Variants in TMC5 observed in about 807,000 individuals in gnomAD.
TMC5 encodes transmembrane channel-like protein 5.
Under a neutral mutation model 110.5 loss-of-function variants are expected in TMC5, and 86 were observed. The observed-to-expected ratio is 0.78, with a 90% CI of 0.65 to 0.93. TMC5 has a LOEUF of 0.93. Ranked by LOEUF, TMC5 falls within the 40% of genes least tolerant of loss-of-function variation. TMC5 has a pLI of 0.00. For missense variants in TMC5, 1,144 were observed against 1,222.8 expected (o/e 0.94, Z 0.96); for synonymous variants, 455 against 439.5 (o/e 1.04, Z -0.44).
intron 2 of TMC5, among the ~76,000 whole-genome samples, chr16:19,435,938 C>A (rs1444545562): frequency 6.6e-6 from 1 of 152,090 alleles, no homozygotes; most frequent in East Asian, 1.9e-4. Flanking sequence ...GAATGACATT[C>A]AAGTTGTTTT....
At chr16:19,475,702 G>A (rs946211191) in intron 12 of TMC5, among the ~76,000 whole-genome samples, 8 of 151,548 alleles carry the variant, frequency 5.3e-5, no homozygotes, top group Admixed American at 1.3e-4. Context: ...TGCATTTTGC[G>A]TTCTTCAAAC....
At chr16:19,479,331 C>T in intron 13 of TMC5, 100 bp from the exon 14 acceptor site, 1 of 903,180 alleles carries the variant, frequency 1.1e-6, no homozygotes, top group Non-Finnish European at 1.9e-6. Context: ...CAAACCCAAC[C>T]ATTAGCTATG....
At chr16:19,453,268 A>G (rs1254675968) in intron 5 of TMC5, among the ~76,000 whole-genome samples, 1 of 152,052 alleles carries the variant, frequency 6.6e-6, no homozygotes, top group Non-Finnish European at 1.5e-5. Flanking sequence ...AGCCTGAGCA[A>G]CACAGTGAAA....
chr16:19,473,926 G>C lies in TMC5; in HGVS notation c.1939-199G>C, dbSNP rs142511760. 4.2e-3 allele frequency among the ~76,000 whole-genome samples: 644 copies of C among 152,274 alleles called. 7 individuals carry two copies. The highest frequency in any genetic ancestry group is 0.015 in the African/African-American group (616 of 41,558). ...ACCGAGGAAGTGGAAGTTTCAGTGA[G>C]CTGAGATCGCGCCACTGCAGTCCAG... On this transcript the variant is annotated intron_variant, in intron 11 of 21. Transcript: ENST00000542583.
At chr16:19,460,101 C>A in intron 5 of TMC5, 134 bp from the exon 6 acceptor site, 1 of 544,684 alleles carries the variant, frequency 1.8e-6, no homozygotes, top group South Asian at 3.2e-5. Context: ...TGTTGTTTTC[C>A]TTTGTGATCT....
chr16:19,438,431 G>GA (rs1441597928), intron 2 of TMC5, among the ~76,000 whole-genome samples: 2 of 65,554 alleles, frequency 3.1e-5, no homozygotes, highest in Non-Finnish European at 6.1e-5. Flanking sequence ...GAAAAAGAAA[G>GA]AAAGAGAAAG....
chr16:19,467,367 C>T (rs1968216819), intron 9 of TMC5, among the ~76,000 whole-genome samples: 1 of 152,162 alleles, frequency 6.6e-6, no homozygotes, highest in Admixed American at 6.6e-5. Context: ...CCTGTGTCTT[C>T]ACATGGTTAT....
chr16:19,473,987 TTAAAA>T, intron 11 of TMC5, 133 bp from the exon 12 acceptor site: 5 of 794,166 alleles, frequency 6.3e-6, no homozygotes, highest in Non-Finnish European at 9.2e-6. Flanking sequence ...CTCAAAAAAA[TTAAAA>T]TAAATAAATA....
chr16:19,452,312 C>T (rs76109315), intron 5 of TMC5, among the ~76,000 whole-genome samples: 10,725 of 152,248 alleles, frequency 0.07, 769 homozygotes, highest in African/African-American at 0.19. Context: ...GGTGAGCCAC[C>T]CTCCAGGAAC....
chr16:19,434,340 ATATT>A (rs1189884604), intron 2 of TMC5, among the ~76,000 whole-genome samples: 1 of 123,814 alleles, frequency 8.1e-6, no homozygotes, highest in Non-Finnish European at 1.6e-5. Context: ...TATATAATAT[ATATT>A]ATATGATCTA....
chr16:19,463,288 T>C lies in TMC5; in HGVS notation c.1157T>C (p.Val386Ala). The stretch of plus-strand genomic sequence containing the variant: ...CTTGCTGTTCCCTACAGGAAAATAG[T>C]TGACAAAGAAAAAAGCAAACAGACC... The part of the protein sequence containing the change: ...MEEKRNLRKI[V>A]DKEKSKQTHR... Residue 386 changes from valine (V) to alanine (A), a missense_variant, in exon 7 of 22, where the codon GTT (valine) becomes GCT (alanine). By Grantham distance (64) the Val-to-Ala change is moderately conservative. Coordinates refer to ENST00000542583, the MANE Select transcript of TMC5 (RefSeq NM_001261841.2). The C allele has an allele frequency of 1.2e-6, 2 of 1,613,438 alleles. No homozygotes were observed. The highest frequency in any genetic ancestry group is 1.3e-5 in the African/African-American group (1 of 75,016).
chr16:19,462,670 C>G, intron 6 of TMC5: 3 of 584,892 alleles, frequency 5.1e-6, no homozygotes, highest in Non-Finnish European at 9.4e-6. Context: ...GAGGCCAAGG[C>G]AGGTGGATCA....
At chr16:19,443,948 G>A (rs1249988264) in intron 3 of TMC5, 133 bp from the exon 4 acceptor site, 2 of 868,920 alleles carry the variant, frequency 2.3e-6, no homozygotes, top group East Asian at 5.0e-5. Context: ...TGGATGGATG[G>A]ATGGATGGAT....
chr16:19,443,556 TA>T (rs749082999), intron 3 of TMC5, among the ~76,000 whole-genome samples: 1 of 152,246 alleles, frequency 6.6e-6, no homozygotes, highest in Non-Finnish European at 1.5e-5. Context: ...TACCAACTTG[TA>T]CTGTGAGCTT....
intron 5 of TMC5, among the ~76,000 whole-genome samples, chr16:19,451,997 G>T (rs1967760555): frequency 6.6e-6 from 1 of 151,970 alleles, no homozygotes; most frequent in African/African-American, 2.4e-5. Context: ...CGGGGTTTCG[G>T]CATTTTGGCC....
intron 15 of TMC5, among the ~76,000 whole-genome samples, chr16:19,484,770 G>GAAA (rs79947486): frequency 2.9e-5 from 3 of 103,984 alleles, no homozygotes; most frequent in Non-Finnish European, 6.5e-5. Context: ...TCTCAAAAAG[G>GAAA]AAAAAAAAAA....
At chr16:19,497,525 G>C (rs1176461011) in intron 21 of TMC5, among the ~76,000 whole-genome samples, 1 of 152,294 alleles carries the variant, frequency 6.6e-6, no homozygotes, top group South Asian at 2.1e-4. Context: ...GATCTGACTG[G>C]GTGATGTCCC....
rs34374548 is a variant in TMC5, at chr16:19,428,308, C to CTT, written c.-307-2088_-307-2087dup. 4.5e-3 allele frequency among the ~76,000 whole-genome samples: 591 copies of CTT among 131,472 alleles called. 12 individuals carry two copies. The highest frequency in any genetic ancestry group is 0.015 in the African/African-American group (534 of 35,420). The allele number at this position is 131,472 out of a possible 152,430, so 86.3% of individuals were successfully genotyped here. On this transcript the variant is annotated intron_variant, in intron 1 of 21. Coordinates refer to ENST00000542583, the MANE Select transcript of TMC5 (RefSeq NM_001261841.2). ...CTCTTTCTTCTCAAATTTCCCAATT[C>CTT]TTTTTTTTTTTTTTTTTTGAGACAG...
At chr16:19,490,589 A>G in intron 18 of TMC5, 21 bp downstream of exon 18, 5 of 1,613,586 alleles carry the variant, frequency 3.1e-6, no homozygotes, top group Non-Finnish European at 4.2e-6. Flanking sequence ...TACCCGGGGA[A>G]TCTAGCAGGG....
Sources: allele counts gnomAD v4.1 joint callset (sites outside exome capture counted in the v4.1 genomes callset), GRCh38; gene constraint gnomAD v4.1.1; transcripts MANE v1.5; gene names NCBI Gene and HGNC (gene_info 2026-07-23, HGNC 2026-07-21).